ZBTB16: variants seen among roughly 807,000 people sequenced by gnomAD.
ZBTB16 encodes the protein zinc finger and BTB domain-containing protein 16.
In ZBTB16, 8 loss-of-function variants were observed where a neutral mutation model predicts 56.8. The ratio of observed to expected loss-of-function variants is 0.14; its 90% CI spans 0.08 to 0.25. The LOEUF is 0.25. Among genes scored for constraint, ZBTB16 ranks in the 10% least tolerant of loss-of-function variants. The probability of loss-of-function intolerance (pLI) is 1.00; values close to 1 mark genes in which losing one functional copy is unlikely to be tolerated. For missense variants in ZBTB16, 625 were observed against 903.0 expected, an observed-to-expected ratio of 0.69 and a Z score of 3.95; for synonymous variants, 363 against 368.5, an observed-to-expected ratio of 0.98 and a Z score of 0.17.
intron 4 of ZBTB16, among the ~76,000 whole-genome samples, chr11:114,206,951 C>T (rs952461263): frequency 6.6e-6 from 1 of 152,176 alleles, no homozygotes; most frequent in Non-Finnish European, 1.5e-5. Flanking sequence ...AGGCAAGTGA[C>T]ACTGGGAAAG....
chr11:114,153,797 T>C (rs1942335263), intron 2 of ZBTB16, among the ~76,000 whole-genome samples: 1 of 152,230 alleles, frequency 6.6e-6, no homozygotes, highest in Admixed American at 6.5e-5. Flanking sequence ...TTTTGAATGA[T>C]AAAATTTTGT....
intron 4 of ZBTB16, among the ~76,000 whole-genome samples, chr11:114,230,924 C>A (rs1944432748): frequency 6.6e-6 from 1 of 152,084 alleles, no homozygotes. Context: ...CCTGCCTCTG[C>A]CTCCACCTCC....
chr11:114,210,938 A>G lies in ZBTB16; in HGVS notation c.1453+23900A>G, dbSNP rs139045266. On this transcript the variant is annotated intron_variant, in intron 4 of 6. Coordinates refer to ENST00000335953, the MANE Select transcript of ZBTB16 (RefSeq NM_006006.6). ...TGATTTTTTTTTTGTTTTGTTTTAAAGATGGAGTCTCACTCTGTCGCCAGG... is the reference window on the plus strand; with the variant it reads ...TGATTTTTTTTTTGTTTTGTTTTAAGGATGGAGTCTCACTCTGTCGCCAGG... 1.5e-3 allele frequency: 281 copies of G among 185,900 alleles called. 4 individuals carry two copies. Among genetic ancestry groups the G allele is most frequent in the African/African-American group, 6.1e-3 (260 of 42,760 alleles). 11.5% of individuals were successfully genotyped at this position (185,900 alleles called of 1,614,324 possible).
intron 2 of ZBTB16, among the ~76,000 whole-genome samples, chr11:114,107,989 G>T (rs1940857779): frequency 6.6e-6 from 1 of 151,380 alleles, no homozygotes; most frequent in Non-Finnish European, 1.5e-5. Flanking sequence ...CCTTTATTAT[G>T]ATGATTATTA....
At chr11:114,161,057 G>T (rs1414206054) in intron 3 of ZBTB16, among the ~76,000 whole-genome samples, 2 of 152,184 alleles carry the variant, frequency 1.3e-5, no homozygotes, top group Non-Finnish European at 2.9e-5. Context: ...TGAAGCATCT[G>T]TTGATCCACT....
rs186048387 is a variant in ZBTB16 at position 114,246,014 on chromosome 11, C to T, written c.1625-1184C>T. On this transcript the variant is annotated intron_variant, in intron 5 of 6. Coordinates refer to ENST00000335953, the MANE Select transcript of ZBTB16 (RefSeq NM_006006.6). ...AGCTGGAGTCCTCACCTTTCATCCC[C>T]CAAGCCCCCCACTTTGGATATGAAA... Among the ~76,000 whole-genome samples, 206 of 152,312 alleles carry T rather than the reference C, an allele frequency of 1.4e-3. 1 individual carries two copies. The highest frequency in any genetic ancestry group is 2.4e-3 in the Non-Finnish European group (161 of 68,030).
intron 6 of ZBTB16, among the ~76,000 whole-genome samples, chr11:114,248,951 T>C (rs1367418269): frequency 1.3e-5 from 2 of 152,152 alleles, no homozygotes; most frequent in Non-Finnish European, 2.9e-5. Context: ...GGGGGAGTAT[T>C]GATAGCGAGA....
Position 114,156,210 on chromosome 11 carries a change from G to A in ZBTB16, c.1269-127G>A, listed in dbSNP as rs539625618. On this transcript the variant is annotated intron_variant, in intron 2 of 6. Coordinates refer to ENST00000335953, the MANE Select transcript of ZBTB16 (RefSeq NM_006006.6). ...GAGGATCCAGGGATGTGTTTCCATC[G>A]GTGCCCTCCTGTTCCCTTCCGCCTG... The A allele has an allele frequency of 1.2e-3, 1,043 of 854,904 alleles. 6 individuals are homozygous for A. The highest frequency in any genetic ancestry group is 6.7e-3 in the Middle Eastern group (21 of 3,118). 53.0% of individuals were successfully genotyped at this position (854,904 alleles called of 1,614,324 possible). A position where few individuals can be genotyped will look rare whatever the true frequency, so the allele number is the denominator to read the frequency against.
At chr11:114,074,544 G>A (rs762371319) in intron 2 of ZBTB16, among the ~76,000 whole-genome samples, 2 of 152,150 alleles carry the variant, frequency 1.3e-5, no homozygotes, top group Non-Finnish European at 2.9e-5. Context: ...CCCCAACACC[G>A]AAGCCCAGGC....
At chr11:114,158,486 C>G (rs1010956596) in intron 3 of ZBTB16, among the ~76,000 whole-genome samples, 7 of 152,210 alleles carry the variant, frequency 4.6e-5, no homozygotes, top group African/African-American at 9.7e-5. Context: ...TGTTCCCCAC[C>G]TCCAGCCAGA....
intron 5 of ZBTB16, 78 bp downstream of exon 5, chr11:114,242,415 G>A: frequency 6.4e-7 from 1 of 1,567,954 alleles, no homozygotes; most frequent in Non-Finnish European, 8.6e-7. Flanking sequence ...ACGTAAAGTG[G>A]AGGTGGTGGG....
chr11:114,228,512 C>T (rs1381228394), intron 4 of ZBTB16, among the ~76,000 whole-genome samples: 41 of 152,220 alleles, frequency 2.7e-4, no homozygotes, highest in Admixed American at 2.7e-3. Context: ...CTCCTGAATT[C>T]TGTCCCTGGA....
At chr11:114,233,117 ACACACACACTCT>A (rs764217712) in intron 4 of ZBTB16, among the ~76,000 whole-genome samples, 4,903 of 61,514 alleles carry the variant, frequency 0.08, 240 homozygotes, top group Middle Eastern at 0.17. Context: ...ACACACACAC[ACACACACACTCT>A]CTCTCTCTCA....
rs1944988484 is a variant in ZBTB16, at chr11:114,255,570, C to T, written c.*5015C>T. 1.3e-5 allele frequency among the ~76,000 whole-genome samples: 2 copies of T among 151,926 alleles called. No homozygotes were observed. On this transcript the variant is annotated 3_prime_UTR_variant, in exon 7 of 7. Transcript: ENST00000335953. ...GCTGCCCCCTCCCCAGCCCACTTCCCCGAGTTGTGCTTGCCGCTCCTTATC... is the reference window on the plus strand; with the variant it reads ...GCTGCCCCCTCCCCAGCCCACTTCCTCGAGTTGTGCTTGCCGCTCCTTATC...
chr11:114,131,031 C>T (rs1044091503), intron 2 of ZBTB16, among the ~76,000 whole-genome samples: 2 of 152,124 alleles, frequency 1.3e-5, no homozygotes, highest in African/African-American at 2.4e-5. Flanking sequence ...TTGCAGCACA[C>T]GAGGGCCGGT....
intron 4 of ZBTB16, among the ~76,000 whole-genome samples, chr11:114,235,254 AC>A: frequency 6.6e-6 from 1 of 152,262 alleles, no homozygotes; most frequent in African/African-American, 2.4e-5. Flanking sequence ...GCATGCACAC[AC>A]CCCAGCACAT....
intron 3 of ZBTB16, among the ~76,000 whole-genome samples, chr11:114,163,690 G>C (rs1942661654): frequency 6.6e-6 from 1 of 152,100 alleles, no homozygotes; most frequent in African/African-American, 2.4e-5. Flanking sequence ...TGAAGAGGGG[G>C]TTCACATGTC....
Position 114,064,225 on chromosome 11 carries a change from C to T in ZBTB16, c.925C>T (p.Pro309Ser), listed in dbSNP as rs1939018149. 1.9e-6 allele frequency: 3 copies of T among 1,614,018 alleles called. No homozygotes were observed. The highest frequency in any genetic ancestry group is 1.7e-6 in the Non-Finnish European group (2 of 1,180,022). ...REESAEQVPP[P>S]AEAGQAPTGR... ...GGAGAGTGCCGAGCAGGTGCCACCC[C>T]CAGCTGAGGCTGGCCAGGCCCCCAC... Residue 309 changes from proline (P) to serine (S), a missense_variant, in exon 2 of 7, where the codon CCA becomes TCA. Around this residue, in one of 6 missense-constraint regions of ZBTB16, gnomAD observed 384 missense variants for 393.5 expected, o/e 0.98. Transcript: ENST00000335953. The surrounding 1 kb of genome is among the most constrained non-coding windows in gnomAD (Gnocchi z 4.2).
rs1044009307 is a variant in ZBTB16, at chr11:114,255,108, AAT to A, written c.*4566_*4567del. ...CATCCAACCCGTATATATAAAGATA[AAT>A]ATATATATATATGTATGTAAATTAT... On this transcript the variant is annotated 3_prime_UTR_variant, in exon 7 of 7. Transcript: ENST00000335953. 1.3e-5 allele frequency among the ~76,000 whole-genome samples: 2 copies of A among 151,294 alleles called. No individual in the cohort carries two copies. Among genetic ancestry groups the A allele is most frequent in the African/African-American group, 4.9e-5 (2 of 41,176 alleles).
Sources: gnomAD v4.1 joint callset for allele counts (sites outside exome capture counted in the v4.1 genomes callset) on GRCh38, gnomAD v4.1.1 for gene constraint, gnomAD v4.1.1 regional missense constraint, Gnocchi (gnomAD v3.1) non-coding constraint, MANE v1.5 for transcripts, NCBI Gene and HGNC (gene_info 2026-07-23, HGNC 2026-07-21) for gene names.